Variants in HJURP observed in about 807,000 individuals in gnomAD.
HJURP encodes 14-3-3-associated AKT substrate.
HJURP carries 49 observed loss-of-function variants against 72.0 expected under a neutral mutation model. That is an observed-to-expected ratio of 0.68 (90% CI 0.54 to 0.86). The LOEUF (loss-of-function observed/expected upper bound fraction) is 0.86. Among genes scored for constraint, HJURP ranks in the 40% least tolerant of loss-of-function variants. The pLI, the probability that HJURP is intolerant of heterozygous loss-of-function variation, is 0.00. For missense variants in HJURP, 908 were observed against 936.3 expected, an observed-to-expected ratio of 0.97 and a Z score of 0.39; for synonymous variants, 357 against 347.1, an observed-to-expected ratio of 1.03 and a Z score of -0.32.
Position 233,853,843 on chromosome 2 carries a change from C to T in HJURP, c.184+1G>A, listed in dbSNP as rs1305819952. The stretch of plus-strand genomic sequence containing the variant: ...ACTCAGAAGGTGGGGAAGACCCTTA[C>T]CCTGTGGCGTCTCGTAGGTCAGCGT... On this transcript the variant is annotated splice_donor_variant, in intron 2 of 8. Transcript: ENST00000411486. LOFTEE classifies it high-confidence loss of function. 1.9e-6 allele frequency: 3 copies of T among 1,613,352 alleles called. No individual in the cohort carries two copies. Among genetic ancestry groups the T allele is most frequent in the Non-Finnish European group, 2.5e-6 (3 of 1,179,372 alleles).
chr2:233,851,367 G>A lies in HJURP; in HGVS notation c.240+1198C>T, dbSNP rs569226127. Among the ~76,000 whole-genome samples the A allele has an allele frequency of 6.6e-5, 10 of 152,202 alleles. No individual in the cohort carries two copies. In the South Asian group the frequency reaches 1.9e-3, roughly 28 times the overall value. On this transcript the variant is annotated intron_variant, in intron 3 of 8. Coordinates refer to ENST00000411486, the MANE Select transcript of HJURP (RefSeq NM_018410.5). ...TAAAGTTTTATTGGAACACTGCCACGTACACTCATTTACATATTATTTTCG... is the reference window on the plus strand; with the variant it reads ...TAAAGTTTTATTGGAACACTGCCACATACACTCATTTACATATTATTTTCG...
Position 233,837,596 on chromosome 2 carries a change from A to G in HJURP, c.2228T>C (p.Leu743Ser). The stretch of plus-strand genomic sequence containing the variant: ...ACCTAGCTACACACTTTTAGTTTCC[A>G]ATTTTTCTAGCATGAAATCACTTTT... ...EEKSDFMLEK[L>S]ETKSV The change falls in exon 9 of 9, where the codon TTG becomes TCG. Residue 743 changes from leucine (L) to serine (S), a missense_variant. Physicochemically the swap from Leu to Ser is moderately radical, Grantham distance 145 (BLOSUM62 -2). Transcript: ENST00000411486. 6.2e-7 allele frequency: 1 copy of G among 1,610,076 alleles called. No individual in the cohort carries two copies. Among genetic ancestry groups the G allele is most frequent in the Non-Finnish European group, 8.5e-7 (1 of 1,176,750 alleles).
chr2:233,837,795 T>A (rs1243675110), intron 8 of HJURP, 143 bp from the exon 9 acceptor site: 2 of 624,638 alleles, frequency 3.2e-6, no homozygotes, highest in African/African-American at 1.8e-5. Context: ...GTTAAATAAG[T>A]AAGTTATGTT....
At chr2:233,843,978 T>C (rs917173571) in intron 7 of HJURP, among the ~76,000 whole-genome samples, 7 of 152,202 alleles carry the variant, frequency 4.6e-5, no homozygotes, top group African/African-American at 1.7e-4. Context: ...TGCAAAACTT[T>C]TCAAGCTAGT....
At chr2:233,850,390 C>T (rs368962895) in intron 3 of HJURP, among the ~76,000 whole-genome samples, 2 of 152,170 alleles carry the variant, frequency 1.3e-5, no homozygotes, top group Non-Finnish European at 2.9e-5. Flanking sequence ...CAGAGGTGGT[C>T]GGGCGGCCAC....
intron 1 of HJURP, 147 bp from the exon 2 acceptor site, chr2:233,854,057 CCT>C: frequency 1.5e-6 from 1 of 663,584 alleles, no homozygotes; most frequent in Non-Finnish European, 2.6e-6. Context: ...CCCAACTCCG[CCT>C]CTCTCGTCCC....
chr2:233,844,698 T>C lies in HJURP; in HGVS notation c.496-415A>G, dbSNP rs1705312518. ...AACACAGCAACCAAGAGGACACCAC[T>C]TGCTGCCTTGGGTTAAAGGAAAAAG... On this transcript the variant is annotated intron_variant, in intron 6 of 8. Transcript: ENST00000411486. 5.9e-5 allele frequency among the ~76,000 whole-genome samples: 9 copies of C among 152,294 alleles called. No individual in the cohort carries two copies. The South Asian group carries it at 1.9e-3, about 32-fold the overall frequency.
chr2:233,852,391 A>G (rs1705515174), intron 3 of HJURP, among the ~76,000 whole-genome samples, 174 bp downstream of exon 3: 1 of 152,226 alleles, frequency 6.6e-6, no homozygotes, highest in Admixed American at 6.5e-5. Flanking sequence ...GCACTTGACA[A>G]GCTACAGAAG....
chr2:233,837,682 T>A lies in HJURP; in HGVS notation c.2172-30A>T, dbSNP rs774266256. The A allele has an allele frequency of 8.8e-6, 13 of 1,469,648 alleles. No individual in the cohort carries two copies. The Admixed American group carries it at 2.4e-4, about 27-fold the overall frequency. 91.0% of individuals were successfully genotyped at this position (1,469,648 alleles called of 1,614,324 possible). A position where few individuals can be genotyped will look rare whatever the true frequency, so the allele number is the denominator to read the frequency against. ...GAAAAAAAAAAGACAAAGAAAATGA[T>A]GTTAGCAAAATTCTAGAATTCCCAA... On this transcript the variant is annotated intron_variant, in intron 8 of 8. Transcript: ENST00000411486.
At position 233,837,602 on chromosome 2, in the gene HJURP, TC is replaced by T; in HGVS notation, c.2221del (p.Glu741LysfsTer10). The T allele has an allele frequency of 1.2e-6, 2 of 1,611,018 alleles. No individual in the cohort carries two copies. Among genetic ancestry groups the T allele is most frequent in the Non-Finnish European group, 1.7e-6 (2 of 1,177,602 alleles). On this transcript the variant is annotated frameshift_variant, in exon 9 of 9. Coordinates refer to ENST00000411486, the MANE Select transcript of HJURP (RefSeq NM_018410.5). LOFTEE classifies it high-confidence loss of function. ...RMEEKSDFMLEKLETKSV is the reference protein window; with the variant it reads ...RMEEKSDFMLXKLETKSV Reference sequence around the variant, plus strand: ...CTACACACTTTTAGTTTCCAATTTTTCTAGCATGAAATCACTTTTCTCTTCC... The same window carrying T: ...CTACACACTTTTAGTTTCCAATTTTTTAGCATGAAATCACTTTTCTCTTCC...
At chr2:233,839,782 C>A (rs949086536) in intron 8 of HJURP, among the ~76,000 whole-genome samples, 3 of 152,230 alleles carry the variant, frequency 2.0e-5, no homozygotes, top group African/African-American at 4.8e-5. Flanking sequence ...GGCTAGGGCA[C>A]AAGGGAAGAG....
chr2:233,847,978 G>C (rs28900712), intron 4 of HJURP, among the ~76,000 whole-genome samples: 2 of 152,270 alleles, frequency 1.3e-5, no homozygotes, highest in East Asian at 1.9e-4. Flanking sequence ...GATTTCAAGC[G>C]GTTGGGGAAA....
At chr2:233,849,417 G>A (rs548371993) in intron 4 of HJURP, among the ~76,000 whole-genome samples, 2 of 152,276 alleles carry the variant, frequency 1.3e-5, no homozygotes, top group African/African-American at 4.8e-5. Flanking sequence ...CTAGGAGGAC[G>A]AAGTGGGAAG....
intron 7 of HJURP, among the ~76,000 whole-genome samples, chr2:233,842,894 T>C (rs979356637): frequency 6.6e-5 from 10 of 152,214 alleles, no homozygotes; most frequent in Admixed American, 1.3e-4. Flanking sequence ...GAGGCAGATA[T>C]GGCATCAGGG....
rs768146063 is a variant in HJURP, at chr2:233,854,520, A to G, written c.-20T>C. 8 of 1,579,378 alleles carry G rather than the reference A, an allele frequency of 5.1e-6. No individual in the cohort carries two copies. Among genetic ancestry groups the G allele is most frequent in the Admixed American group, 1.8e-5 (1 of 57,046 alleles). ...CAGCATCGGACCCAGCCAGTACCCA[A>G]GCGCCAACCCGGACTGCAGGGCCTC... On this transcript the variant is annotated 5_prime_UTR_variant, in exon 1 of 9. Coordinates refer to ENST00000411486, the MANE Select transcript of HJURP (RefSeq NM_018410.5).
At chr2:233,844,415 G>A (rs1705306787) in intron 6 of HJURP, 132 bp from the exon 7 acceptor site, 1 of 701,504 alleles carries the variant, frequency 1.4e-6, no homozygotes, top group African/African-American at 1.8e-5. Context: ...TGAATGTGGT[G>A]ACAGTGGCCA....
intron 8 of HJURP, among the ~76,000 whole-genome samples, chr2:233,839,311 C>T (rs1017464550): frequency 6.6e-6 from 1 of 151,704 alleles, no homozygotes; most frequent in African/African-American, 2.4e-5. Context: ...GGGTTACCTG[C>T]ACGGAGCAGG....
At chr2:233,839,756 A>G (rs983807146) in intron 8 of HJURP, among the ~76,000 whole-genome samples, 1 of 152,158 alleles carries the variant, frequency 6.6e-6, no homozygotes. Context: ...GACCTCAGAG[A>G]AGAGGCACAT....
At chr2:233,852,107 A>G (rs1178331456) in intron 3 of HJURP, among the ~76,000 whole-genome samples, 4 of 152,208 alleles carry the variant, frequency 2.6e-5, no homozygotes, top group Non-Finnish European at 5.9e-5. Context: ...TGCAGAAGGA[A>G]AGATGTGTGA....
Sources: allele counts gnomAD v4.1 joint callset (sites outside exome capture counted in the v4.1 genomes callset), GRCh38; gene constraint gnomAD v4.1.1; transcripts MANE v1.5; gene names NCBI Gene and HGNC (gene_info 2026-07-23, HGNC 2026-07-21).